Variants in TRIM25 observed in about 807,000 individuals in gnomAD.
TRIM25 encodes the protein tripartite motif containing 25, also known as E3 ubiquitin/ISG15 ligase TRIM25.
Under a neutral mutation model 65.2 loss-of-function variants are expected in TRIM25, and 45 were observed. The ratio of observed to expected loss-of-function variants is 0.69; its 90% CI spans 0.54 to 0.89. The LOEUF is 0.89. Among genes scored for constraint, TRIM25 ranks in the 40% least tolerant of loss-of-function variants. TRIM25 has a pLI of 0.00. For synonymous variants in TRIM25, 321 were observed against 340.4 expected (o/e 0.94, Z 0.63); for missense variants, 714 against 803.7 (o/e 0.89, Z 1.35).
intron 5 of TRIM25, 150 bp from the exon 6 acceptor site, chr17:56,896,102 A>G: frequency 1.2e-6 from 1 of 844,664 alleles, no homozygotes; most frequent in East Asian, 2.7e-5. Context: ...GGCAAAATGA[A>G]TCTATAGTGA....
intron 3 of TRIM25, among the ~76,000 whole-genome samples, chr17:56,902,237 C>T (rs1909427128): frequency 6.6e-6 from 1 of 152,216 alleles, no homozygotes; most frequent in Non-Finnish European, 1.5e-5. Context: ...GGTTCCCATT[C>T]ACTCCTGCAC....
At chr17:56,910,346 T>C (rs1909603107) in intron 1 of TRIM25, among the ~76,000 whole-genome samples, 1 of 152,074 alleles carries the variant, frequency 6.6e-6, no homozygotes, top group African/African-American at 2.4e-5. Flanking sequence ...ACTAACTCAA[T>C]CCGAAAAGCC....
intron 5 of TRIM25, among the ~76,000 whole-genome samples, chr17:56,896,769 C>T (rs193089449): frequency 1.5e-3 from 234 of 152,168 alleles, no homozygotes; most frequent in Admixed American, 2.6e-3. Flanking sequence ...AAGTCTGGTG[C>T]CCAAGCCAGC....
At chr17:56,896,437 T>C (rs1909295313) in intron 5 of TRIM25, among the ~76,000 whole-genome samples, 1 of 151,190 alleles carries the variant, frequency 6.6e-6, no homozygotes, top group African/African-American at 2.4e-5. Context: ...AGGAACCACT[T>C]GATCTCAAGC....
intron 4 of TRIM25, 65 bp downstream of exon 4, chr17:56,901,354 C>T (rs1322843637): frequency 1.3e-6 from 2 of 1,546,968 alleles, no homozygotes; most frequent in East Asian, 4.5e-5. Context: ...CATCCCAAAA[C>T]ATTTAGGGGA....
At chr17:56,902,858 G>A (rs1017855880) in intron 3 of TRIM25, among the ~76,000 whole-genome samples, 6 of 152,178 alleles carry the variant, frequency 3.9e-5, no homozygotes, top group African/African-American at 9.7e-5. Context: ...CCCATGCACC[G>A]CTTGGTGCCC....
intron 4 of TRIM25, among the ~76,000 whole-genome samples, chr17:56,900,447 T>G (rs952192386): frequency 6.6e-6 from 1 of 152,062 alleles, no homozygotes; most frequent in Non-Finnish European, 1.5e-5. Context: ...GAGGGAGATA[T>G]ACGGGGATCC....
intron 3 of TRIM25, among the ~76,000 whole-genome samples, chr17:56,902,855 A>T (rs1030711070): frequency 1.3e-5 from 2 of 152,140 alleles, no homozygotes; most frequent in African/African-American, 4.8e-5. Flanking sequence ...TTCCCCATGC[A>T]CCGCTTGGTG....
At chr17:56,910,285 A>G (rs1319363816) in intron 1 of TRIM25, among the ~76,000 whole-genome samples, 1 of 152,150 alleles carries the variant, frequency 6.6e-6, no homozygotes, top group African/African-American at 2.4e-5. Flanking sequence ...CTAGATTTGA[A>G]CAACCCAGTG....
Position 56,913,768 on chromosome 17 carries a change from T to C in TRIM25, c.221A>G (p.Glu74Gly). 6.5e-7 allele frequency: 1 copy of C among 1,549,484 alleles called. No individual in the cohort carries two copies. ...HKNTVLCNVV[E>G]QFLQADLARE... ...GGCCAGGTCGGCCTGCAGGAACTGC[T>C]CCACCACGTTGCACAGCACCGTGTT... The change falls in exon 1 of 9, where the codon GAG (glutamate) becomes GGG (glycine). Residue 74 changes from glutamate to glycine, a missense_variant. Glu to Gly is a moderately conservative substitution (Grantham distance 98). This residue lies in a region of TRIM25 where 291 missense variants were observed against 281.8 expected (regional missense o/e 1.03). Coordinates refer to ENST00000316881, the MANE Select transcript of TRIM25 (RefSeq NM_005082.5). This position sits in a 1 kb window ranked among gnomAD's most constrained non-coding sequence, Gnocchi z 6.1.
intron 4 of TRIM25, 101 bp from the exon 5 acceptor site, chr17:56,899,281 C>T (rs1214136708): frequency 8.6e-7 from 1 of 1,169,132 alleles, no homozygotes; most frequent in Non-Finnish European, 1.3e-6. Flanking sequence ...TTTACACAGA[C>T]AGCCATTTCC....
At chr17:56,901,262 C>T (rs1457431681) in intron 4 of TRIM25, among the ~76,000 whole-genome samples, 157 bp downstream of exon 4, 1 of 152,158 alleles carries the variant, frequency 6.6e-6, no homozygotes, top group Non-Finnish European at 1.5e-5. Context: ...AGCAGACTCC[C>T]CACCAGCCTC....
chr17:56,904,232 A>G (rs1909473151), intron 3 of TRIM25, 23 bp downstream of exon 3: 1 of 1,569,064 alleles, frequency 6.4e-7, no homozygotes, highest in Admixed American at 1.8e-5. Flanking sequence ...AAAAACATTC[A>G]ACAATGCCTT....
At position 56,889,185 on chromosome 17, in the gene TRIM25, C is replaced by G. The variant is rs1288799696; in HGVS notation, c.*2515G>C. On this transcript the variant is annotated 3_prime_UTR_variant, in exon 9 of 9. Transcript: ENST00000316881. ...ATCAGCTACCACATCTTGAAAAATA[C>G]AAAGACTTGATCCTAACCTTTTATT... 1 of 151,474 alleles carries G rather than the reference C, an allele frequency of 6.6e-6. No individual in the cohort carries two copies. Among genetic ancestry groups the G allele is most frequent in the Non-Finnish European group, 1.5e-5 (1 of 68,018 alleles). 9.4% of individuals were successfully genotyped at this position (151,474 alleles called of 1,614,324 possible).
Position 56,891,595 on chromosome 17 carries a change from C to A in TRIM25, c.*105G>T, listed in dbSNP as rs573685313. Reference sequence around the variant, plus strand: ...CCAGCTCCCCTCCCATGCTCCCAATCCTTGGGACCTCTTGGGGAATTATCC... The same window carrying A: ...CCAGCTCCCCTCCCATGCTCCCAATACTTGGGACCTCTTGGGGAATTATCC... On this transcript the variant is annotated 3_prime_UTR_variant, in exon 9 of 9. Transcript: ENST00000316881. 7.9e-4 allele frequency: 485 copies of A among 612,030 alleles called. No homozygotes were observed. The highest frequency in any genetic ancestry group is 1.2e-3 in the Non-Finnish European group (463 of 393,438). The allele number at this position is 612,030 out of a possible 1,614,324, so 37.9% of individuals were successfully genotyped here.
In TRIM25 at chr17:56,913,575, G is replaced by A. The variant is rs1909672799; in HGVS notation, c.414C>T (p.Pro138=). Residue 138 remains proline, a synonymous_variant, in exon 1 of 9, where the codon CCC becomes CCT. Coordinates refer to ENST00000316881, the MANE Select transcript of TRIM25 (RefSeq NM_005082.5). The surrounding 1 kb of genome is among the most constrained non-coding windows in gnomAD (Gnocchi z 6.1). ...GCTGCAGCGGGTGGTCCTGGAAGGC[G>A]GGGCTGTCGAAGTGCGGCTGCAGGT... ...QEHLQPHFDS[P]AFQDHPLQPP... 7.4e-6 allele frequency: 12 copies of A among 1,612,158 alleles called. No individual in the cohort carries two copies. In the Admixed American group the frequency reaches 1.0e-4, roughly 13 times the overall value.
chr17:56,892,047 C>T lies in TRIM25; in HGVS notation c.1546G>A (p.Val516Met). 1.2e-6 allele frequency: 2 copies of T among 1,614,186 alleles called. No homozygotes were observed. Among genetic ancestry groups the T allele is most frequent in the Non-Finnish European group, 1.7e-6 (2 of 1,180,030 alleles). ...CAGAAGTTGTTCTTCTGCAGCTCCA[C>T]CTCCCAGTAGTGGATCCCCTTCTTG... Reference protein sequence around the residue: ...CYKKGIHYWEVELQKNNFCGV... With the variant: ...CYKKGIHYWEMELQKNNFCGV... The change falls in exon 9 of 9, where the codon GTG becomes ATG. Residue 516 changes from valine (V) to methionine (M), a missense_variant. This residue lies in a region of TRIM25 where 413 missense variants were observed against 498.2 expected (regional missense o/e 0.83). Coordinates refer to ENST00000316881, the MANE Select transcript of TRIM25 (RefSeq NM_005082.5).
intron 2 of TRIM25, among the ~76,000 whole-genome samples, chr17:56,907,693 T>TG (rs879753122): frequency 3.3e-5 from 5 of 152,228 alleles, no homozygotes; most frequent in Non-Finnish European, 4.4e-5. Flanking sequence ...CTCTCTGTAA[T>TG]GGGTTGAATG....
chr17:56,901,694 C>T, intron 3 of TRIM25, 116 bp from the exon 4 acceptor site: 1 of 1,355,058 alleles, frequency 7.4e-7, no homozygotes, highest in Non-Finnish European at 1.0e-6. Context: ...GTCCAATTGG[C>T]CTTCTCAAAT....
Sources: allele counts gnomAD v4.1 joint callset (sites outside exome capture counted in the v4.1 genomes callset), GRCh38; gene constraint gnomAD v4.1.1; regional missense constraint gnomAD v4.1.1; non-coding constraint Gnocchi (gnomAD v3.1); transcripts MANE v1.5; gene names NCBI Gene and HGNC (gene_info 2026-07-23, HGNC 2026-07-21).